Variants in AMBRA1 observed in about 807,000 individuals in gnomAD.
AMBRA1 encodes the protein autophagy and beclin 1 regulator 1, also known as activating molecule in BECN1-regulated autophagy protein 1.
In AMBRA1, 47 loss-of-function variants were observed where a neutral mutation model predicts 125.4. The observed-to-expected ratio is 0.37, with a 90% CI of 0.30 to 0.48. The LOEUF (loss-of-function observed/expected upper bound fraction) is 0.48, where lower values mean the gene tolerates loss of function less well. Among genes scored for constraint, AMBRA1 ranks in the 20% least tolerant of loss-of-function variants. The pLI, the probability that AMBRA1 is intolerant of heterozygous loss-of-function variation, is 0.99. For synonymous variants in AMBRA1, 626 were observed against 655.5 expected (o/e 0.95, Z 0.69); for missense variants, 1,331 against 1,693.4 (o/e 0.79, Z 3.76).
chr11:46,551,006 A>T (rs2042977205), intron 1 of AMBRA1, among the ~76,000 whole-genome samples: 1 of 150,406 alleles, frequency 6.6e-6, no homozygotes, highest in Non-Finnish European at 1.5e-5. Flanking sequence ...CTGAGGCAGG[A>T]GAATGGCATG....
intron 7 of AMBRA1, among the ~76,000 whole-genome samples, chr11:46,517,124 A>G (rs547826226): frequency 3.3e-5 from 5 of 151,258 alleles, no homozygotes; most frequent in African/African-American, 1.2e-4. Context: ...TATAATCATA[A>G]CACACATGGA....
chr11:46,508,892 A>G (rs1377639810), intron 8 of AMBRA1, among the ~76,000 whole-genome samples: 1 of 152,192 alleles, frequency 6.6e-6, no homozygotes, highest in Non-Finnish European at 1.5e-5. Flanking sequence ...CTTCTCCAAC[A>G]AGTATACACA....
chr11:46,451,802 T>C (rs1378613231), intron 11 of AMBRA1: 3 of 149,182 alleles, frequency 2.0e-5, no homozygotes, highest in African/African-American at 4.9e-5. Flanking sequence ...TTGGCTGTTA[T>C]ATGAACCTGC....
intron 9 of AMBRA1, among the ~76,000 whole-genome samples, chr11:46,501,411 C>T (rs925658873): frequency 6.6e-6 from 1 of 152,196 alleles, no homozygotes; most frequent in Non-Finnish European, 1.5e-5. Context: ...CAGGTTCTCC[C>T]TGTGCACCCT....
chr11:46,573,762 CCCACTAACTCATCATCTAGCATTAGG>C, intron 1 of AMBRA1, among the ~76,000 whole-genome samples: 1 of 150,192 alleles, frequency 6.7e-6, no homozygotes, highest in Non-Finnish European at 1.5e-5. Flanking sequence ...GTGCGCTGCA[CCCACTAACTCATCATCTAGCATTAGG>C]TATACCTCCC....
intron 11 of AMBRA1, among the ~76,000 whole-genome samples, chr11:46,460,935 GAATT>G (rs907504415): frequency 1.3e-5 from 2 of 152,018 alleles, no homozygotes; most frequent in African/African-American, 4.8e-5. Flanking sequence ...ATAAATAAAT[GAATT>G]AATTAAATAA....
intron 7 of AMBRA1, among the ~76,000 whole-genome samples, chr11:46,522,111 G>C (rs949692463): frequency 6.6e-6 from 1 of 152,218 alleles, no homozygotes; most frequent in African/African-American, 2.4e-5. Context: ...TGTATACATA[G>C]TGTGCAATCA....
Position 46,512,759 on chromosome 11 carries a change from G to A in AMBRA1, c.2127C>T (p.Ser709=), listed in dbSNP as rs1951315004. 1 of 1,613,472 alleles carries A rather than the reference G, an allele frequency of 6.2e-7. No homozygotes were observed. Among genetic ancestry groups the A allele is most frequent in the African/African-American group, 1.3e-5 (1 of 74,866 alleles). ...GGTCTGGGTAAATTGGGTGCTCTCTGGATCCTGCTCCATCATAACGGGATA... is the reference window on the plus strand; with the variant it reads ...GGTCTGGGTAAATTGGGTGCTCTCTAGATCCTGCTCCATCATAACGGGATA... The part of the protein sequence containing the change: ...ISLSRYDGAG[S]REHPIYPDPA... The change falls in exon 8 of 18, where the codon TCC becomes TCT. Residue 709 remains serine, a synonymous_variant. Transcript: ENST00000683756.
intron 11 of AMBRA1, among the ~76,000 whole-genome samples, chr11:46,466,056 G>A (rs796632931): frequency 3.9e-5 from 6 of 152,344 alleles, no homozygotes; most frequent in African/African-American, 1.4e-4. Flanking sequence ...TGATGGCTGA[G>A]TGAGAACTGA....
At chr11:46,551,075 C>T (rs571598615) in intron 1 of AMBRA1, among the ~76,000 whole-genome samples, 6 of 132,140 alleles carry the variant, frequency 4.5e-5, no homozygotes, top group South Asian at 2.4e-4. Context: ...CCAGCCTGGG[C>T]GACGGAGTGA....
At chr11:46,436,599 C>T (rs1023241521) in intron 12 of AMBRA1, among the ~76,000 whole-genome samples, 1 of 152,154 alleles carries the variant, frequency 6.6e-6, no homozygotes, top group African/African-American at 2.4e-5. Context: ...GCACTGGGAC[C>T]GTCTGCTACT....
intron 12 of AMBRA1, among the ~76,000 whole-genome samples, chr11:46,437,196 G>C (rs572104506): frequency 6.6e-6 from 1 of 152,272 alleles, no homozygotes; most frequent in South Asian, 2.1e-4. Context: ...GGAAAGCTTG[G>C]CTCTAAAACC....
intron 11 of AMBRA1, among the ~76,000 whole-genome samples, chr11:46,489,165 A>G (rs1320026475): frequency 6.6e-6 from 1 of 152,058 alleles, no homozygotes; most frequent in African/African-American, 2.4e-5. Context: ...TGCTGCACCC[A>G]TTAACTCATC....
At chr11:46,581,290 T>C (rs1183174765) in intron 1 of AMBRA1, among the ~76,000 whole-genome samples, 1 of 151,824 alleles carries the variant, frequency 6.6e-6, no homozygotes, top group Non-Finnish European at 1.5e-5. Flanking sequence ...CTGGCCAACA[T>C]GGTGAAACCC....
In AMBRA1 at chr11:46,510,856, T is replaced by C. The variant is rs1473419659; in HGVS notation, c.2159+1871A>G. Among the ~76,000 whole-genome samples the C allele has an allele frequency of 4.6e-5, 7 of 152,276 alleles. No homozygotes were observed. The Middle Eastern group carries it at 0.014, about 296-fold the overall frequency. ...GAAAAAGAAACTAAACAACCAGCAA[T>C]GAGGTAGTAACAATCATCCTCCTAA... On this transcript the variant is annotated intron_variant, in intron 8 of 17. Transcript: ENST00000683756.
At chr11:46,519,314 A>G (rs1011169303) in intron 7 of AMBRA1, among the ~76,000 whole-genome samples, 1 of 152,034 alleles carries the variant, frequency 6.6e-6, no homozygotes, top group Non-Finnish European at 1.5e-5. Context: ...ATGCGCCACC[A>G]TGCCCGGCCC....
chr11:46,587,020 T>C (rs931153203), intron 1 of AMBRA1, among the ~76,000 whole-genome samples: 1 of 152,220 alleles, frequency 6.6e-6, no homozygotes, highest in Non-Finnish European at 1.5e-5. Context: ...CTGTGATCTA[T>C]TCTAGAGAGT....
intron 14 of AMBRA1, among the ~76,000 whole-genome samples, chr11:46,424,859 A>G (rs1947039836): frequency 6.6e-6 from 1 of 150,718 alleles, no homozygotes; most frequent in Non-Finnish European, 1.5e-5. Context: ...CAAATAGGCC[A>G]GGTGTAGTGG....
intron 11 of AMBRA1, among the ~76,000 whole-genome samples, chr11:46,455,285 T>A (rs549852652): frequency 1.3e-5 from 2 of 152,320 alleles, no homozygotes; most frequent in African/African-American, 4.8e-5. Context: ...AGTAGAACTG[T>A]ATGTATGTAA....
Sources: gnomAD v4.1 joint callset for allele counts (sites outside exome capture counted in the v4.1 genomes callset) on GRCh38, gnomAD v4.1.1 for gene constraint, MANE v1.5 for transcripts, NCBI Gene and HGNC (gene_info 2026-07-23, HGNC 2026-07-21) for gene names.